LMNB1: variants seen among roughly 807,000 people sequenced by gnomAD.
The protein encoded by LMNB1 is lamin B1.
Under a neutral mutation model 67.1 loss-of-function variants are expected in LMNB1, and 23 were observed. The observed-to-expected ratio is 0.34, with a 90% CI of 0.25 to 0.49. LMNB1 has a LOEUF of 0.49. LMNB1 is among the 20% of genes least tolerant of loss of function. LMNB1 has a pLI of 0.99. For synonymous variants in LMNB1, 281 were observed against 282.9 expected (o/e 0.99, Z 0.07); for missense variants, 634 against 746.5 (o/e 0.85, Z 1.76).
chr5:126,784,659 T>A (rs974228496), intron 1 of LMNB1, among the ~76,000 whole-genome samples: 30 of 98,626 alleles, frequency 3.0e-4, no homozygotes, highest in Admixed American at 7.2e-4. Context: ...CTGGCTTGAA[T>A]TTTTTTTTTT....
intron 1 of LMNB1, among the ~76,000 whole-genome samples, chr5:126,781,947 T>C (rs1750643469): frequency 6.6e-6 from 1 of 152,224 alleles, no homozygotes; most frequent in Admixed American, 6.5e-5. Context: ...ATGCAGGTGG[T>C]GTCTGAATCC....
chr5:126,787,187 A>G (rs1375809444), intron 1 of LMNB1, among the ~76,000 whole-genome samples: 1 of 152,102 alleles, frequency 6.6e-6, no homozygotes, highest in East Asian at 1.9e-4. Flanking sequence ...GCAGTATACT[A>G]ATAAAATATA....
intron 8 of LMNB1, among the ~76,000 whole-genome samples, chr5:126,823,664 G>C (rs1322333373): frequency 2.0e-4 from 30 of 152,154 alleles, no homozygotes. Context: ...TGTTTTAAAT[G>C]TGTTTATAAT....
chr5:126,804,997 A>G (rs1751383447), intron 2 of LMNB1, 65 bp downstream of exon 2: 1 of 1,281,936 alleles, frequency 7.8e-7, no homozygotes, highest in East Asian at 2.5e-5. Flanking sequence ...CTTAAGCCAT[A>G]GTTTGATTGA....
chr5:126,819,396 T>G (rs529901173), intron 6 of LMNB1, among the ~76,000 whole-genome samples: 1 of 152,142 alleles, frequency 6.6e-6, no homozygotes, highest in Admixed American at 6.5e-5. Context: ...CCTTTGAGAT[T>G]TTAAGTGTTT....
chr5:126,802,161 G>A (rs1469717391), intron 1 of LMNB1, among the ~76,000 whole-genome samples: 3 of 152,148 alleles, frequency 2.0e-5, no homozygotes, highest in Non-Finnish European at 4.4e-5. Flanking sequence ...TAAAGCATGA[G>A]ATTTAAGCAT....
intron 4 of LMNB1, among the ~76,000 whole-genome samples, 166 bp downstream of exon 4, chr5:126,810,516 A>G (rs1179437243): frequency 6.6e-6 from 1 of 152,232 alleles, no homozygotes; most frequent in African/African-American, 2.4e-5. Flanking sequence ...GCAGTTTTCT[A>G]TAAACTAAAT....
intron 1 of LMNB1, among the ~76,000 whole-genome samples, chr5:126,781,893 A>G (rs1750642251): frequency 6.6e-6 from 1 of 152,206 alleles, no homozygotes; most frequent in African/African-American, 2.4e-5. Context: ...TTAGAGGCAG[A>G]GCATGGAAAT....
At position 126,777,187 on chromosome 5, in the gene LMNB1, G is replaced by C; in HGVS notation, c.-322G>C. The C allele has an allele frequency of 4.1e-6, 1 of 243,582 alleles. No individual in the cohort carries two copies. The highest frequency in any genetic ancestry group is 2.3e-5 in the African/African-American group (1 of 44,344). 15.1% of individuals were successfully genotyped at this position (243,582 alleles called of 1,614,324 possible). A position where few individuals can be genotyped will look rare whatever the true frequency, so the allele number is the denominator to read the frequency against. ...AGTGCTGCGAGCAGGAGACGGCGGC[G>C]GCGCGAACCCTGCTGGGCCTCCAGT... On this transcript the variant is annotated 5_prime_UTR_variant, in exon 1 of 11. Transcript: ENST00000261366.
intron 3 of LMNB1, 68 bp downstream of exon 3, chr5:126,805,764 CAT>C (rs1751401716): frequency 7.7e-6 from 8 of 1,045,702 alleles, no homozygotes; most frequent in Admixed American, 2.5e-5. Flanking sequence ...CATAGCTAAA[CAT>C]GTAATTATAT....
chr5:126,800,330 G>A (rs538931130), intron 1 of LMNB1, among the ~76,000 whole-genome samples: 1 of 152,202 alleles, frequency 6.6e-6, no homozygotes, highest in East Asian at 1.9e-4. Context: ...ATTTTTTTCT[G>A]CTAGGAGAGG....
At chr5:126,813,438 C>A (rs1276271700) in intron 5 of LMNB1, among the ~76,000 whole-genome samples, 1 of 152,148 alleles carries the variant, frequency 6.6e-6, no homozygotes, top group African/African-American at 2.4e-5. Context: ...TTTTATAACT[C>A]ATTTTCTTCA....
chr5:126,816,365 C>T (rs934841572), intron 5 of LMNB1, among the ~76,000 whole-genome samples: 2 of 152,072 alleles, frequency 1.3e-5, no homozygotes, highest in Admixed American at 1.3e-4. Flanking sequence ...ACCAGGCACC[C>T]CCTCTGCCCC....
At chr5:126,815,028 G>A (rs1205545866) in intron 5 of LMNB1, 2 of 152,050 alleles carry the variant, frequency 1.3e-5, no homozygotes, top group African/African-American at 2.4e-5. Flanking sequence ...TCTTTCCTCT[G>A]TTCATTATTG....
chr5:126,800,073 T>C (rs1177354985), intron 1 of LMNB1, among the ~76,000 whole-genome samples: 2 of 152,174 alleles, frequency 1.3e-5, no homozygotes, highest in Admixed American at 6.5e-5. Flanking sequence ...TGAGTTGTTA[T>C]ATTAAAGTAA....
intron 7 of LMNB1, among the ~76,000 whole-genome samples, chr5:126,822,573 G>A (rs991095482): frequency 6.6e-6 from 1 of 152,204 alleles, no homozygotes; most frequent in African/African-American, 2.4e-5. Context: ...TTAAAGTCAA[G>A]TACCTTACTA....
At chr5:126,818,364 A>T (rs963719982) in intron 5 of LMNB1, among the ~76,000 whole-genome samples, 5 of 150,172 alleles carry the variant, frequency 3.3e-5, no homozygotes, top group Non-Finnish European at 7.4e-5. Context: ...TCAGCCTCCC[A>T]AGTAGCTGGG....
chr5:126,805,504 ATATCT>A lies in LMNB1; in HGVS notation c.517-63_517-59del, dbSNP rs1751392455. On this transcript the variant is annotated intron_variant, in intron 2 of 10. Transcript: ENST00000261366. Reference sequence around the variant, plus strand: ...ACACTTGATTTGATTTGATTCATAGATATCTTATGTTCATTATTAAATGATTGCCA... The same window carrying A: ...ACACTTGATTTGATTTGATTCATAGATATGTTCATTATTAAATGATTGCCA... 5 of 1,040,956 alleles carry A rather than the reference ATATCT, an allele frequency of 4.8e-6. No individual in the cohort carries two copies. In the East Asian group the frequency reaches 7.3e-5, roughly 15 times the overall value. The allele number at this position is 1,040,956 out of a possible 1,614,324, so 64.5% of individuals were successfully genotyped here.
intron 9 of LMNB1, among the ~76,000 whole-genome samples, chr5:126,832,014 C>G (rs968993814): frequency 6.6e-6 from 1 of 152,090 alleles, no homozygotes; most frequent in African/African-American, 2.4e-5. Context: ...GCCTGTAATC[C>G]CAGCACTTTG....
Sources: gnomAD v4.1 joint callset for allele counts (sites outside exome capture counted in the v4.1 genomes callset) on GRCh38, gnomAD v4.1.1 for gene constraint, MANE v1.5 for transcripts, NCBI Gene and HGNC (gene_info 2026-07-23, HGNC 2026-07-21) for gene names.